Variants in COL9A1 observed in about 807,000 individuals in gnomAD.
COL9A1 encodes the protein collagen alpha-1(IX) chain.
A neutral mutation model predicts 142.6 loss-of-function variants in COL9A1; 104 were observed. The ratio of observed to expected loss-of-function variants is 0.73; its 90% CI spans 0.62 to 0.86. The LOEUF (loss-of-function observed/expected upper bound fraction) is 0.86, where lower values mean the gene tolerates loss of function less well. COL9A1 is among the 40% of genes least tolerant of loss of function. COL9A1 has a pLI of 0.00. For synonymous variants in COL9A1, 466 were observed against 396.0 expected, an observed-to-expected ratio of 1.18 and a Z score of -2.10; for missense variants, 1,210 against 1,176.6, an observed-to-expected ratio of 1.03 and a Z score of -0.42.
At chr6:70,263,502 C>A (rs1235726952) in intron 18 of COL9A1, among the ~76,000 whole-genome samples, 1 of 151,778 alleles carries the variant, frequency 6.6e-6, no homozygotes, top group Non-Finnish European at 1.5e-5. Context: ...TAAAAAGTCA[C>A]CAAAATACCA....
intron 4 of COL9A1, among the ~76,000 whole-genome samples, chr6:70,298,152 T>C (rs998701558): frequency 1.4e-4 from 22 of 152,208 alleles, no homozygotes; most frequent in African/African-American, 5.3e-4. Context: ...GAAAGGATCC[T>C]CTAAGGAGAA....
intron 5 of COL9A1, among the ~76,000 whole-genome samples, chr6:70,286,923 T>C (rs1322879039): frequency 6.6e-6 from 1 of 152,220 alleles, no homozygotes; most frequent in African/African-American, 2.4e-5. Flanking sequence ...CGTATTTTCA[T>C]ATAACACATT....
intron 5 of COL9A1, among the ~76,000 whole-genome samples, chr6:70,287,340 C>T (rs1053313884): frequency 3.9e-5 from 6 of 151,990 alleles, no homozygotes. Flanking sequence ...ATTAAATTGT[C>T]ATTGAAAGAC....
At chr6:70,280,759 C>G (rs71559579) in intron 10 of COL9A1, 53 bp downstream of exon 10, 42 of 1,557,074 alleles carry the variant, frequency 2.7e-5, no homozygotes, top group Admixed American at 3.6e-5. Context: ...CACACTTACT[C>G]GTACCCACCA....
intron 2 of COL9A1, 74 bp downstream of exon 2, chr6:70,301,927 C>A: frequency 8.2e-7 from 1 of 1,225,798 alleles, no homozygotes; most frequent in Admixed American, 1.9e-5. Context: ...ACTCAGTCTT[C>A]AGTCAGCCAC....
chr6:70,278,978 T>C (rs1014145770), intron 10 of COL9A1, among the ~76,000 whole-genome samples: 2 of 152,206 alleles, frequency 1.3e-5, no homozygotes, highest in Non-Finnish European at 2.9e-5. Flanking sequence ...CTGTCTGACA[T>C]TATATTGCAG....
At chr6:70,280,224 C>T in intron 10 of COL9A1, 1 of 1,041,716 alleles carries the variant, frequency 9.6e-7, no homozygotes, top group Non-Finnish European at 1.3e-6. Flanking sequence ...GTAATGCCAG[C>T]CAGAAAAACT....
intron 21 of COL9A1, 57 bp from the exon 22 acceptor site, chr6:70,255,447 TA>T: frequency 4.1e-6 from 6 of 1,480,342 alleles, no homozygotes; most frequent in Non-Finnish European, 5.7e-6. Context: ...AATCAACTTT[TA>T]AAAATTAGAA....
intron 14 of COL9A1, among the ~76,000 whole-genome samples, chr6:70,270,601 G>A (rs568956077): frequency 6.6e-6 from 1 of 152,216 alleles, no homozygotes; most frequent in African/African-American, 2.4e-5. Context: ...GAGAAGCTAG[G>A]GGAAAAAGCA....
chr6:70,277,320 T>C (rs886950072), intron 10 of COL9A1, among the ~76,000 whole-genome samples: 4 of 152,012 alleles, frequency 2.6e-5, no homozygotes, highest in East Asian at 3.9e-4. Flanking sequence ...TTCTGTCTTA[T>C]CTAATTTTAC....
Position 70,280,704 on chromosome 6 carries a change from GTTCTCTCTCTCTCT to G in COL9A1, c.975+94_975+107del, listed in dbSNP as rs1294101326. The G allele has an allele frequency of 3.5e-6, 5 of 1,419,922 alleles. No individual in the cohort carries two copies. In the African/African-American group the frequency reaches 4.3e-5, roughly 12 times the overall value. The allele number at this position is 1,419,922 out of a possible 1,614,324, so 88.0% of individuals were successfully genotyped here. ...GAGGCCAAGTTTAGAGCCACAGCGC[GTTCTCTCTCTCTCT>G]TTCTCTCTCTCCCTCCCCCCCCACA... On this transcript the variant is annotated intron_variant, in intron 10 of 37. Coordinates refer to ENST00000357250, the MANE Select transcript of COL9A1 (RefSeq NM_001851.6).
chr6:70,274,719 T>A lies in COL9A1; in HGVS notation c.1029A>T (p.Lys343Asn). 1 of 1,611,462 alleles carries A rather than the reference T, an allele frequency of 6.2e-7. No homozygotes were observed. The highest frequency in any genetic ancestry group is 8.5e-7 in the Non-Finnish European group (1 of 1,177,780). The stretch of plus-strand genomic sequence containing the variant: ...AATTAATGCCAGATGGCTAACTTAC[T>A]TTTTGTCCCTTTGACCCAATGGAGC... ...SPGSIGSKGQ[K>N]GEPGVPGSRG... The change falls in exon 11 of 38, where the codon AAA (lysine) becomes AAT (asparagine). Residue 343 changes from lysine to asparagine, a missense_variant and splice_region_variant. Transcript: ENST00000357250.
At chr6:70,258,287 T>C (rs957858422) in intron 20 of COL9A1, among the ~76,000 whole-genome samples, 2 of 152,134 alleles carry the variant, frequency 1.3e-5, no homozygotes, top group Non-Finnish European at 2.9e-5. Flanking sequence ...GAGAAGATGA[T>C]AAAATAAATG....
At chr6:70,251,536 C>T (rs1195492223) in intron 28 of COL9A1, among the ~76,000 whole-genome samples, 1 of 152,178 alleles carries the variant, frequency 6.6e-6, no homozygotes, top group Non-Finnish European at 1.5e-5. Flanking sequence ...GATTGAGAGA[C>T]ACCATATCTC....
intron 20 of COL9A1, among the ~76,000 whole-genome samples, chr6:70,259,913 A>G (rs1771564411): frequency 6.6e-6 from 1 of 151,974 alleles, no homozygotes; most frequent in African/African-American, 2.4e-5. Flanking sequence ...AACCCATGCT[A>G]AGGGCAGGGC....
chr6:70,272,217 C>A, intron 12 of COL9A1, 129 bp from the exon 13 acceptor site: 2 of 723,528 alleles, frequency 2.8e-6, no homozygotes, highest in Non-Finnish European at 2.3e-6. Context: ...CTAAAGAAAG[C>A]ACTGAATAAA....
intron 1 of COL9A1, 42 bp from the exon 2 acceptor site, chr6:70,302,116 G>T: frequency 7.2e-7 from 1 of 1,392,300 alleles, no homozygotes; most frequent in Non-Finnish European, 1.0e-6. Context: ...AGGAGTCCCC[G>T]CAGATGGAAA....
intron 10 of COL9A1, chr6:70,280,381 T>C: frequency 1.7e-6 from 2 of 1,171,746 alleles, no homozygotes; most frequent in Non-Finnish European, 2.1e-6. Flanking sequence ...TCTAAATTAA[T>C]GCAGGGAGTG....
chr6:70,251,625 T>C (rs1045506971), intron 28 of COL9A1, among the ~76,000 whole-genome samples: 3 of 152,214 alleles, frequency 2.0e-5, no homozygotes, highest in African/African-American at 4.8e-5. Context: ...ACTTCCAGAA[T>C]TGGCAAATCT....
Sources: allele counts gnomAD v4.1 joint callset (sites outside exome capture counted in the v4.1 genomes callset), GRCh38; gene constraint gnomAD v4.1.1; transcripts MANE v1.5; gene names NCBI Gene and HGNC (gene_info 2026-07-23, HGNC 2026-07-21).